WWC2: variants seen among roughly 807,000 people sequenced by gnomAD.
WWC2 encodes WW and C2 domain containing 2.
In WWC2, 101 loss-of-function variants were observed where a neutral mutation model predicts 138.5. The ratio of observed to expected loss-of-function variants is 0.73; its 90% CI spans 0.62 to 0.86. The LOEUF (loss-of-function observed/expected upper bound fraction) is 0.86, where lower values mean the gene tolerates loss of function less well. WWC2 is among the 40% of genes least tolerant of loss of function. WWC2 has a pLI of 0.00. For synonymous variants in WWC2, 558 were observed against 538.4 expected (o/e 1.04, Z -0.50); for missense variants, 1,420 against 1,419.4 (o/e 1.00, Z -0.01).
chr4:183,177,930 T>G (rs997512819), intron 1 of WWC2, among the ~76,000 whole-genome samples: 1 of 152,304 alleles, frequency 6.6e-6, no homozygotes, highest in African/African-American at 2.4e-5. Context: ...TCTTCTTCAC[T>G]TTGGGACCCT....
intron 1 of WWC2, among the ~76,000 whole-genome samples, chr4:183,186,702 A>G (rs1027480860): frequency 3.9e-5 from 6 of 152,080 alleles, no homozygotes; most frequent in Non-Finnish European, 8.8e-5. Flanking sequence ...GGGATGCGAG[A>G]CATGTAGAGA....
chr4:183,175,446 A>G (rs1734438529), intron 1 of WWC2, among the ~76,000 whole-genome samples: 1 of 151,978 alleles, frequency 6.6e-6, no homozygotes, highest in Non-Finnish European at 1.5e-5. Context: ...TATTTTTTGT[A>G]GAGATGGGGT....
chr4:183,099,627 G>T lies in WWC2; in HGVS notation c.131+5G>T. On this transcript the variant is annotated splice_donor_5th_base_variant and intron_variant, in intron 1 of 22. Transcript: ENST00000403733. ...CTGGATCGACCCCCGGGACAGGTGG[G>T]CGCCGGCCGCGGGGGCGCGGGCCCG... The T allele has an allele frequency of 1.5e-6, 2 of 1,333,262 alleles. No individual in the cohort carries two copies. The highest frequency in any genetic ancestry group is 2.0e-6 in the Non-Finnish European group (2 of 1,025,136). The allele number at this position is 1,333,262 out of a possible 1,614,324, so 82.6% of individuals were successfully genotyped here.
At position 183,187,716 on chromosome 4, in the gene WWC2, C is replaced by CA. The variant is rs1343935025; in HGVS notation, c.132-5876dup. ...AGAAACCCCATCTCTACTAAAAATA[C>CA]AAAAAAATTAGCTGGGCGTGGTAGC... On this transcript the variant is annotated intron_variant, in intron 1 of 22. Transcript: ENST00000403733. Among the ~76,000 whole-genome samples, 8 of 150,862 alleles carry CA rather than the reference C, an allele frequency of 5.3e-5. No homozygotes were observed. In the South Asian group the frequency reaches 1.7e-3, roughly 32 times the overall value.
chr4:183,133,749 C>T (rs1210273148), intron 1 of WWC2, among the ~76,000 whole-genome samples: 2 of 152,200 alleles, frequency 1.3e-5, no homozygotes, highest in African/African-American at 4.8e-5. Context: ...CCCACCTTGG[C>T]CTCCCAAAGT....
At position 183,280,878 on chromosome 4, in the gene WWC2, A is replaced by G; in HGVS notation, c.2665A>G (p.Arg889Gly). The change falls in exon 17 of 23, where the codon AGG becomes GGG. Residue 889 changes from arginine (R) to glycine (G), a missense_variant. By Grantham distance (125) the Arg-to-Gly change is moderately radical. Coordinates refer to ENST00000403733, the MANE Select transcript of WWC2 (RefSeq NM_024949.6). ...AGAAGAATCAGGACAAGAAGAGCCA[A>G]GGGGCCCAGATGGAGACTGGTTAAA... ...EEEESGQEEP[R>G]GPDGDWLTML... 1 of 1,573,966 alleles carries G rather than the reference A, an allele frequency of 6.4e-7. No individual in the cohort carries two copies. Among genetic ancestry groups the G allele is most frequent in the Non-Finnish European group, 8.6e-7 (1 of 1,159,060 alleles).
At chr4:183,248,547 T>C (rs576718448) in intron 6 of WWC2, among the ~76,000 whole-genome samples, 167 bp from the exon 7 acceptor site, 122 of 152,292 alleles carry the variant, frequency 8.0e-4, no homozygotes, top group Admixed American at 1.6e-3. Flanking sequence ...AGGTGCAAAA[T>C]TATATCCTGC....
intron 21 of WWC2, among the ~76,000 whole-genome samples, chr4:183,299,020 C>T (rs1026557688): frequency 6.6e-6 from 1 of 152,122 alleles, no homozygotes; most frequent in Non-Finnish European, 1.5e-5. Context: ...TTTTGTGCTG[C>T]TATAACAAAA....
chr4:183,193,490 T>G (rs77370082), intron 1 of WWC2, 109 bp from the exon 2 acceptor site: 18 of 909,856 alleles, frequency 2.0e-5, no homozygotes, highest in Non-Finnish European at 2.9e-5. Flanking sequence ...TTTTTTTTTT[T>G]CTTTAAGATT....
At position 183,315,785 on chromosome 4, in the gene WWC2, A is replaced by G; in HGVS notation, c.*56A>G. 7.0e-7 allele frequency: 1 copy of G among 1,429,552 alleles called. No individual in the cohort carries two copies. The highest frequency in any genetic ancestry group is 1.3e-5 in the South Asian group (1 of 78,158). 88.6% of individuals were successfully genotyped at this position (1,429,552 alleles called of 1,614,324 possible). The stretch of plus-strand genomic sequence containing the variant: ...TGTTCACTTTCTTAGGGAGGGTAAA[A>G]GACTGAAGATTTGTGTTTTTGTTTT... On this transcript the variant is annotated 3_prime_UTR_variant, in exon 23 of 23. Transcript: ENST00000403733.
chr4:183,110,116 G>C (rs1732186371), intron 1 of WWC2, among the ~76,000 whole-genome samples: 1 of 152,182 alleles, frequency 6.6e-6, no homozygotes. Flanking sequence ...GTGGTGTAGA[G>C]ACAGCTCAAC....
rs751637968 is a variant in WWC2 at position 183,286,013 on chromosome 4, T to C, written c.3095T>C (p.Leu1032Pro). ...SDSSTLAKKSLFVRNSTERRS... is the reference protein window; with the variant it reads ...SDSSTLAKKSPFVRNSTERRS... Reference sequence around the variant, plus strand: ...AGTTCAACCCTGGCTAAAAAATCACTGTTTGTGAGAAACTCCACCGAACGC... The same window carrying C: ...AGTTCAACCCTGGCTAAAAAATCACCGTTTGTGAGAAACTCCACCGAACGC... The change falls in exon 20 of 23, where the codon CTG (leucine) becomes CCG (proline). Residue 1032 changes from leucine to proline, a missense_variant. By Grantham distance (98) the Leu-to-Pro change is moderately conservative. Transcript: ENST00000403733. 1 of 1,596,112 alleles carries C rather than the reference T, an allele frequency of 6.3e-7. No homozygotes were observed. The highest frequency in any genetic ancestry group is 1.3e-5 in the African/African-American group (1 of 74,894).
chr4:183,238,064 T>C (rs1364194846), intron 4 of WWC2, among the ~76,000 whole-genome samples: 2 of 152,212 alleles, frequency 1.3e-5, no homozygotes, highest in Admixed American at 6.5e-5. Context: ...CTCAATTATC[T>C]ATCTCTAGTC....
intron 1 of WWC2, among the ~76,000 whole-genome samples, chr4:183,117,795 T>G (rs1732464428): frequency 6.6e-6 from 1 of 150,608 alleles, no homozygotes; most frequent in South Asian, 2.1e-4. Context: ...GGGATCTTTT[T>G]TTTTTTTTTT....
At chr4:183,174,285 C>T (rs1211138088) in intron 1 of WWC2, among the ~76,000 whole-genome samples, 1 of 152,222 alleles carries the variant, frequency 6.6e-6, no homozygotes, top group Non-Finnish European at 1.5e-5. Flanking sequence ...GGTCTGACTG[C>T]TTCTTAACAG....
chr4:183,281,012 C>T, intron 17 of WWC2, 115 bp downstream of exon 17: 1 of 1,384,340 alleles, frequency 7.2e-7, no homozygotes, highest in South Asian at 1.6e-5. Context: ...TGCACTGCAC[C>T]TTCAGGAAGC....
In WWC2 at chr4:183,284,335, T is replaced by G. The variant is rs199518338; in HGVS notation, c.2993T>G (p.Val998Gly). The change falls in exon 19 of 23, where the codon GTG (valine) becomes GGG (glycine). Residue 998 changes from valine to glycine, a missense_variant. Coordinates refer to ENST00000403733, the MANE Select transcript of WWC2 (RefSeq NM_024949.6). ...CAGCATCCGTTTGTGAGGAGCAGTG[T>G]GATAGTGCGCTCACAGACCTTTTCT... ...SRQHPFVRSS[V>G]IVRSQTFSPG... is the part of the protein sequence containing the mutation. 5.1e-5 allele frequency: 82 copies of G among 1,613,932 alleles called. No individual in the cohort carries two copies. Among genetic ancestry groups the G allele is most frequent in the Admixed American group, 8.3e-5 (5 of 60,016 alleles).
Position 183,207,993 on chromosome 4 carries a change from G to A in WWC2, c.282G>A (p.Gly94=), listed in dbSNP as rs529860656. 1.9e-6 allele frequency: 3 copies of A among 1,612,966 alleles called. No individual in the cohort carries two copies. ...AAGATCCAAGAAAACAATGGAGGGG[G>A]GAACAGGAGAAGATGCTCAAGGACT... ...QIEDPRKQWR[G]EQEKMLKDYL... is the part of the protein sequence containing the mutation. Residue 94 remains glycine (G), a synonymous_variant, in exon 3 of 23, where the codon GGG becomes GGA. Coordinates refer to ENST00000403733, the MANE Select transcript of WWC2 (RefSeq NM_024949.6).
At chr4:183,301,181 T>G (rs376866336) in intron 21 of WWC2, among the ~76,000 whole-genome samples, 12 of 152,220 alleles carry the variant, frequency 7.9e-5, no homozygotes, top group African/African-American at 2.7e-4. Flanking sequence ...CATAGCAAGA[T>G]AGAAGTCATT....
Sources: allele counts gnomAD v4.1 joint callset (sites outside exome capture counted in the v4.1 genomes callset), GRCh38; gene constraint gnomAD v4.1.1; transcripts MANE v1.5; gene names NCBI Gene and HGNC (gene_info 2026-07-23, HGNC 2026-07-21).